Variants in PLXDC1 observed in about 807,000 individuals in gnomAD.
PLXDC1 encodes plexin domain containing 1.
A neutral mutation model predicts 61.3 loss-of-function variants in PLXDC1; 39 were observed. The ratio of observed to expected loss-of-function variants is 0.64; its 90% CI spans 0.49 to 0.83. The LOEUF (loss-of-function observed/expected upper bound fraction) is 0.83. Ranked by LOEUF, PLXDC1 falls within the 40% of genes least tolerant of loss-of-function variation. The probability of loss-of-function intolerance (pLI) is 0.00; values close to 1 mark genes in which losing one functional copy is unlikely to be tolerated. For synonymous variants in PLXDC1, 212 were observed against 254.5 expected, an observed-to-expected ratio of 0.83 and a Z score of 1.59; for missense variants, 596 against 666.5, an observed-to-expected ratio of 0.89 and a Z score of 1.17.
chr17:39,067,661 G>A lies in PLXDC1; in HGVS notation c.*179C>T. 1.8e-6 allele frequency: 1 copy of A among 552,332 alleles called. No individual in the cohort carries two copies. Among genetic ancestry groups the A allele is most frequent in the Non-Finnish European group, 3.2e-6 (1 of 313,240 alleles). The allele number at this position is 552,332 out of a possible 1,614,324, so 34.2% of individuals were successfully genotyped here. On this transcript the variant is annotated 3_prime_UTR_variant, in exon 14 of 14. Transcript: ENST00000315392. The stretch of plus-strand genomic sequence containing the variant: ...TAAAAAATCCATGTGGTTGTTTTTT[G>A]GCCCCCTCTTCAATATTCGGGGTGT...
upstream of PLXDC1, chr17:39,152,602 G>A (rs2045381410): frequency 7.2e-6 from 9 of 1,251,118 alleles, no homozygotes; most frequent in East Asian, 1.3e-4. Context: ...CGGGGTGAGG[G>A]GGCATCCTGG....
At position 39,139,764 on chromosome 17, in the gene PLXDC1, G is replaced by C. The variant is rs770569886; in HGVS notation, c.145C>G (p.Arg49Gly). The change falls in exon 2 of 14, where the codon CGA (arginine) becomes GGA (glycine). Residue 49 changes from arginine (R) to glycine (G), a missense_variant. By Grantham distance (125) the Arg-to-Gly change is moderately radical. Coordinates refer to ENST00000315392, the MANE Select transcript of PLXDC1 (RefSeq NM_020405.5). ...GTVRGWNRRA[R>G]ESPGHVSEPD... Reference sequence around the variant, plus strand: ...TCTGACACATGCCCAGGGCTCTCTCGGGCTCTCCGGTTCCAGCCCCGCACG... The same window carrying C: ...TCTGACACATGCCCAGGGCTCTCTCCGGCTCTCCGGTTCCAGCCCCGCACG... The C allele has an allele frequency of 2.1e-5, 34 of 1,613,806 alleles. No homozygotes were observed. In the East Asian group the frequency reaches 6.9e-4, roughly 33 times the overall value.
chr17:39,128,110 T>TAC (rs1567769558), intron 2 of PLXDC1, among the ~76,000 whole-genome samples: 1 of 104,798 alleles, frequency 9.5e-6, no homozygotes, highest in East Asian at 3.2e-4. Context: ...TATATATATA[T>TAC]ATATGTATAT....
chr17:39,134,640 GA>G (rs796521373), intron 2 of PLXDC1, among the ~76,000 whole-genome samples: 6 of 98,988 alleles, frequency 6.1e-5, no homozygotes, highest in East Asian at 2.6e-4. Flanking sequence ...AAAAAAAAAA[GA>G]AAAAGAAAAA....
chr17:39,131,296 C>T (rs556172641), intron 2 of PLXDC1, among the ~76,000 whole-genome samples: 1 of 152,256 alleles, frequency 6.6e-6, no homozygotes, highest in Non-Finnish European at 1.5e-5. Flanking sequence ...GACATCTGCA[C>T]TCCACCTCCT....
intron 12 of PLXDC1, chr17:39,072,135 C>G (rs2143250938): frequency 2.4e-6 from 1 of 418,424 alleles, no homozygotes; most frequent in East Asian, 4.0e-5. Context: ...CTATACCTGC[C>G]CTGGCTCAGT....
chr17:39,146,661 A>C (rs2045344358), intron 1 of PLXDC1, among the ~76,000 whole-genome samples: 1 of 150,990 alleles, frequency 6.6e-6, no homozygotes, highest in African/African-American at 2.4e-5. Flanking sequence ...TAATAAAAAA[A>C]GGTATTATAA....
chr17:39,112,443 CT>C (rs1027993451), intron 2 of PLXDC1, among the ~76,000 whole-genome samples: 19 of 138,480 alleles, frequency 1.4e-4, no homozygotes, highest in South Asian at 4.6e-4. Flanking sequence ...TTCAGCCCAT[CT>C]TTTTTTTTCT....
chr17:39,082,115 C>T (rs1004461908), intron 9 of PLXDC1, among the ~76,000 whole-genome samples: 1 of 152,200 alleles, frequency 6.6e-6, no homozygotes, highest in African/African-American at 2.4e-5. Flanking sequence ...GGGCACACCC[C>T]ATCCCCTCTG....
At chr17:39,108,856 G>C (rs772527281) in intron 4 of PLXDC1, 48 bp downstream of exon 4, 1 of 1,337,066 alleles carries the variant, frequency 7.5e-7, no homozygotes, top group East Asian at 2.3e-5. Flanking sequence ...CCCTGAGTTC[G>C]GGCTGAGGTC....
chr17:39,087,773 A>T (rs760854349), intron 7 of PLXDC1, 71 bp from the exon 8 acceptor site: 18 of 1,092,280 alleles, frequency 1.6e-5, no homozygotes, highest in Non-Finnish European at 2.3e-5. Flanking sequence ...CTTCCCGGAC[A>T]GTCTGACAGG....
chr17:39,092,176 T>C (rs1333482997), intron 7 of PLXDC1, among the ~76,000 whole-genome samples: 3 of 151,872 alleles, frequency 2.0e-5, no homozygotes, highest in Non-Finnish European at 4.4e-5. Flanking sequence ...CCTCCCAGGC[T>C]CAGTAATCCT....
rs545480595 is a variant in PLXDC1 at position 39,081,613 on chromosome 17, C to T, written c.989+1846G>A. On this transcript the variant is annotated intron_variant, in intron 9 of 13. Coordinates refer to ENST00000315392, the MANE Select transcript of PLXDC1 (RefSeq NM_020405.5). The stretch of plus-strand genomic sequence containing the variant: ...CTGCACTCCAGCCTGGGTGACAGAG[C>T]GAGACTCCGTCTCAAAAAAAAAAAA... Among the ~76,000 whole-genome samples the T allele has an allele frequency of 8.5e-5, 11 of 129,446 alleles. No homozygotes were observed. In the East Asian group the frequency reaches 2.5e-3, roughly 29 times the overall value. The allele number at this position is 129,446 out of a possible 152,430, so 84.9% of individuals were successfully genotyped here.
intron 1 of PLXDC1, among the ~76,000 whole-genome samples, chr17:39,142,803 G>A (rs1171842187): frequency 6.6e-6 from 1 of 152,156 alleles, no homozygotes; most frequent in Non-Finnish European, 1.5e-5. Context: ...CAAAGTGGTG[G>A]GATTATAAGC....
intron 7 of PLXDC1, among the ~76,000 whole-genome samples, chr17:39,099,499 C>A (rs191517966): frequency 6.6e-5 from 10 of 152,166 alleles, no homozygotes; most frequent in South Asian, 2.1e-4. Context: ...GGCACAGACA[C>A]CAAGAACAGT....
chr17:39,070,075 T>C, intron 12 of PLXDC1, 59 bp from the exon 13 acceptor site: 1 of 1,345,424 alleles, frequency 7.4e-7, no homozygotes, highest in South Asian at 1.2e-5. Flanking sequence ...GGTCGAACCA[T>C]GGGGTCTTGG....
intron 2 of PLXDC1, among the ~76,000 whole-genome samples, chr17:39,127,731 G>A (rs188298290): frequency 9.2e-5 from 14 of 151,836 alleles, no homozygotes; most frequent in Admixed American, 2.0e-4. Context: ...CGAGGCGGGC[G>A]GATCACGAGG....
intron 4 of PLXDC1, 101 bp from the exon 5 acceptor site, chr17:39,108,346 G>T: frequency 7.7e-7 from 1 of 1,294,814 alleles, no homozygotes. Flanking sequence ...AGGCAGAGCT[G>T]GAAGTGAGCC....
At chr17:39,093,695 G>A (rs545122139) in intron 7 of PLXDC1, among the ~76,000 whole-genome samples, 5 of 146,024 alleles carry the variant, frequency 3.4e-5, no homozygotes, top group African/African-American at 1.0e-4. Context: ...CGGCCTGGGC[G>A]ACAGAGAAAG....
Sources: gnomAD v4.1 joint callset for allele counts (sites outside exome capture counted in the v4.1 genomes callset) on GRCh38, gnomAD v4.1.1 for gene constraint, MANE v1.5 for transcripts, NCBI Gene and HGNC (gene_info 2026-07-23, HGNC 2026-07-21) for gene names.